CTNS: variants seen among roughly 807,000 people sequenced by gnomAD.
CTNS encodes the protein cystinosin.
Under a neutral mutation model 43.7 loss-of-function variants are expected in CTNS, and 27 were observed. The observed-to-expected ratio is 0.62, with a 90% CI of 0.46 to 0.85. The LOEUF (loss-of-function observed/expected upper bound fraction) is 0.85, where lower values mean the gene tolerates loss of function less well. CTNS is among the 40% of genes least tolerant of loss of function. The pLI, the probability that CTNS is intolerant of heterozygous loss-of-function variation, is 0.00. For synonymous variants in CTNS, 187 were observed against 190.6 expected, an observed-to-expected ratio of 0.98 and a Z score of 0.16; for missense variants, 457 against 475.4, an observed-to-expected ratio of 0.96 and a Z score of 0.36.
chr17:3,643,814 G>A (rs757716816), intron 3 of CTNS, among the ~76,000 whole-genome samples: 6 of 152,118 alleles, frequency 3.9e-5, no homozygotes, highest in Non-Finnish European at 5.9e-5. Flanking sequence ...TGATCTGACC[G>A]CCTCAGCCTC....
Position 3,660,329 on chromosome 17 carries a change from G to C in CTNS, c.1064G>C (p.Cys355Ser). 1.2e-6 allele frequency: 2 copies of C among 1,614,264 alleles called. No homozygotes were observed. The highest frequency in any genetic ancestry group is 1.7e-6 in the Non-Finnish European group (2 of 1,180,052). ...GTCGTCTTCTTCATCCAGCACTTCTGTTTGTACAGAAAGAGACCGGGGTAT... is the reference window on the plus strand; with the variant it reads ...GTCGTCTTCTTCATCCAGCACTTCTCTTTGTACAGAAAGAGACCGGGGTAT... Reference protein sequence around the residue: ...FDVVFFIQHFCLYRKRPGYDQ... With the variant: ...FDVVFFIQHFSLYRKRPGYDQ... The change falls in exon 12 of 12, where the codon TGT becomes TCT. Residue 355 changes from cysteine to serine, a missense_variant. By Grantham distance (112) the Cys-to-Ser change is moderately radical (BLOSUM62 -1). Coordinates refer to ENST00000046640, the MANE Select transcript of CTNS (RefSeq NM_004937.3).
At position 3,656,535 on chromosome 17, in the gene CTNS, C is replaced by T. The variant is rs747488464; in HGVS notation, c.510C>T (p.Phe170=). 84 of 1,608,174 alleles carry T rather than the reference C, an allele frequency of 5.2e-5. No homozygotes were observed. Among genetic ancestry groups the T allele is most frequent in the Non-Finnish European group, 6.7e-5 (79 of 1,178,920 alleles). The change falls in exon 8 of 12, where the codon TTC becomes TTT. Residue 170 remains phenylalanine (F), a synonymous_variant. Coordinates refer to ENST00000046640, the MANE Select transcript of CTNS (RefSeq NM_004937.3). ...TCGTGGCTCTGAACCTGACGGGCTT[C>T]GTGGCCTACAGTGTATTCAACATCG... ...FDFVALNLTG[F]VAYSVFNIGL...
In CTNS at chr17:3,660,567, G is replaced by A. The variant is rs1317277457; in HGVS notation, c.*198G>A. The A allele has an allele frequency of 1.9e-6, 3 of 1,613,090 alleles. No homozygotes were observed. The highest frequency in any genetic ancestry group is 2.5e-6 in the Non-Finnish European group (3 of 1,179,994). ...TCCGGGCCCCTCCTGGGCCTCCCCG[G>A]CCAGGCACGTGGCACCGTCGCCTTG... On this transcript the variant is annotated 3_prime_UTR_variant, in exon 12 of 12. Transcript: ENST00000046640.
In CTNS at chr17:3,658,047, G is replaced by A. The variant is rs768230202; in HGVS notation, c.724G>A (p.Val242Met). Residue 242 changes from valine to methionine, a missense_variant, in exon 10 of 12, where the codon GTG (valine) becomes ATG (methionine). Val to Met is a conservative substitution (Grantham distance 21, BLOSUM62 1). Transcript: ENST00000046640. ...GTCCTGGCCTGCCATCGGCTTCCTG[G>A]TGCTCGCGTGGCTCTTCGCATTTGT... ...RVSWPAIGFL[V>M]LAWLFAFVTM... 11 of 1,611,764 alleles carry A rather than the reference G, an allele frequency of 6.8e-6. No homozygotes were observed. The highest frequency in any genetic ancestry group is 9.3e-6 in the Non-Finnish European group (11 of 1,179,968).
intron 2 of CTNS, 157 bp from the exon 3 acceptor site, chr17:3,640,031 G>C: frequency 1.5e-6 from 1 of 678,928 alleles, no homozygotes; most frequent in Admixed American, 2.1e-5. Flanking sequence ...TCCTCTCTAG[G>C]GTGTCCCTCT....
In CTNS at chr17:3,656,752, T is replaced by C. The variant is rs2076158318; in HGVS notation, c.638T>C (p.Val213Ala). ...SNDVFFSLHA[V>A]VLTLIIIVQC... is the part of the protein sequence containing the mutation. ...GACGTCTTCTTCAGCCTGCACGCGG[T>C]TGTCCTCACGCTGATCATCATCGTG... The change falls in exon 9 of 12, where the codon GTT becomes GCT. Residue 213 changes from valine (V) to alanine (A), a missense_variant. Transcript: ENST00000046640. The C allele has an allele frequency of 1.2e-6, 2 of 1,613,358 alleles. No homozygotes were observed. Among genetic ancestry groups the C allele is most frequent in the African/African-American group, 2.7e-5 (2 of 74,976 alleles).
chr17:3,662,727 T>A lies in CTNS; in HGVS notation c.*2358T>A, dbSNP rs146970819. Among the ~76,000 whole-genome samples the A allele has an allele frequency of 9.8e-4, 130 of 131,982 alleles. No homozygotes were observed. The highest frequency in any genetic ancestry group is 3.3e-3 in the African/African-American group (119 of 35,628). The allele number at this position is 131,982 out of a possible 152,430, so 86.6% of individuals were successfully genotyped here. A position where few individuals can be genotyped will look rare whatever the true frequency, so the allele number is the denominator to read the frequency against. On this transcript the variant is annotated 3_prime_UTR_variant, in exon 12 of 12. Coordinates refer to ENST00000046640, the MANE Select transcript of CTNS (RefSeq NM_004937.3). ...TTCTGGTCAGGCGCAGTGCAGCTGC[T>A]GCGGCTCCACCAGCCCCGGGCTTTC... is the stretch of plus-strand genomic sequence containing the variant.
chr17:3,652,453 G>T (rs188672567), intron 5 of CTNS, among the ~76,000 whole-genome samples: 1 of 152,038 alleles, frequency 6.6e-6, no homozygotes, highest in Non-Finnish European at 1.5e-5. Flanking sequence ...TTAGCCAAGC[G>T]TGGTGGCAAG....
chr17:3,648,788 G>A lies in CTNS; in HGVS notation c.141-59G>A, dbSNP rs1016148045. ...GAAGGCCAGATGTGAAATCCAGAGG[G>A]TTGGTTGAGATCTCACTGTCCAGCT... On this transcript the variant is annotated intron_variant, in intron 4 of 11. Coordinates refer to ENST00000046640, the MANE Select transcript of CTNS (RefSeq NM_004937.3). 7 of 1,355,062 alleles carry A rather than the reference G, an allele frequency of 5.2e-6. No individual in the cohort carries two copies. In the African/African-American group the frequency reaches 8.6e-5, roughly 17 times the overall value. 83.9% of individuals were successfully genotyped at this position (1,355,062 alleles called of 1,614,324 possible).
At chr17:3,642,526 A>G (rs559483951) in intron 3 of CTNS, among the ~76,000 whole-genome samples, 4 of 152,180 alleles carry the variant, frequency 2.6e-5, no homozygotes, top group African/African-American at 9.6e-5. Flanking sequence ...CGTCTCTACT[A>G]AAAATACAAA....
At chr17:3,650,986 A>G (rs949585232) in intron 5 of CTNS, among the ~76,000 whole-genome samples, 19 of 151,978 alleles carry the variant, frequency 1.3e-4, no homozygotes, top group Non-Finnish European at 2.1e-4. Context: ...TATTTTTAGT[A>G]GAGATGGGGT....
chr17:3,642,578 T>G (rs1407984721), intron 3 of CTNS, among the ~76,000 whole-genome samples: 1 of 151,996 alleles, frequency 6.6e-6, no homozygotes, highest in Admixed American at 6.6e-5. Context: ...GCCCAGCTAC[T>G]TAGGAGGCTG....
rs559073197 is a variant in CTNS at position 3,654,873 on chromosome 17, T to C, written c.226-125T>C. The C allele has an allele frequency of 9.6e-4, 764 of 792,814 alleles. 6 individuals carry two copies. The highest frequency in any genetic ancestry group is 1.4e-3 in the Non-Finnish European group (615 of 437,148). The allele number at this position is 792,814 out of a possible 1,614,324, so 49.1% of individuals were successfully genotyped here. A position where few individuals can be genotyped will look rare whatever the true frequency, so the allele number is the denominator to read the frequency against. Reference sequence around the variant, plus strand: ...GCGTCTCTCCTTTTGCTTAGTAAGCTCTTGGAAGGTGAGGCTGCGGGTGGT... The same window carrying C: ...GCGTCTCTCCTTTTGCTTAGTAAGCCCTTGGAAGGTGAGGCTGCGGGTGGT... On this transcript the variant is annotated intron_variant, in intron 5 of 11. Coordinates refer to ENST00000046640, the MANE Select transcript of CTNS (RefSeq NM_004937.3).
chr17:3,655,417 G>A, intron 7 of CTNS, 65 bp downstream of exon 7: 1 of 1,604,064 alleles, frequency 6.2e-7, no homozygotes. Flanking sequence ...TTCCAGCAAG[G>A]CTGCCGATAG....
chr17:3,654,704 TCTCA>T (rs886233007), intron 5 of CTNS, among the ~76,000 whole-genome samples: 2 of 144,102 alleles, frequency 1.4e-5, no homozygotes, highest in African/African-American at 2.5e-5. Flanking sequence ...AAAAGGAAAG[TCTCA>T]CTCAGGCCAG....
intron 5 of CTNS, among the ~76,000 whole-genome samples, chr17:3,651,441 T>C (rs2075980965): frequency 6.6e-6 from 1 of 152,144 alleles, no homozygotes; most frequent in South Asian, 2.1e-4. Context: ...GCCTTGGCTG[T>C]AGGAGTCCTT....
chr17:3,655,667 G>A (rs529814919), intron 7 of CTNS: 226 of 404,100 alleles, frequency 5.6e-4, no homozygotes, highest in African/African-American at 3.4e-3. Flanking sequence ...GGGTCCATCC[G>A]ACCCTGGAGG....
intron 3 of CTNS, among the ~76,000 whole-genome samples, chr17:3,647,048 A>G (rs2075860142): frequency 6.6e-6 from 1 of 152,116 alleles, no homozygotes; most frequent in Non-Finnish European, 1.5e-5. Context: ...GACTTCATGA[A>G]CAGAGGAGAC....
chr17:3,650,732 T>C (rs2075959397), intron 5 of CTNS, among the ~76,000 whole-genome samples: 1 of 152,230 alleles, frequency 6.6e-6, no homozygotes, highest in East Asian at 1.9e-4. Context: ...CAGATGCTGA[T>C]TGCTTCGTTT....
Sources: allele counts gnomAD v4.1 joint callset (sites outside exome capture counted in the v4.1 genomes callset), GRCh38; gene constraint gnomAD v4.1.1; transcripts MANE v1.5; gene names NCBI Gene and HGNC (gene_info 2026-07-23, HGNC 2026-07-21).